Variants in AGPAT5 observed in about 807,000 individuals in gnomAD.
AGPAT5 encodes 1-acylglycerol-3-phosphate O-acyltransferase 5.
A neutral mutation model predicts 45.6 loss-of-function variants in AGPAT5; 46 were observed. The ratio of observed to expected loss-of-function variants is 1.01; its 90% CI spans 0.80 to 1.29. The LOEUF (loss-of-function observed/expected upper bound fraction) is 1.29. Ranked by LOEUF, AGPAT5 falls within the 50% of genes most tolerant of loss-of-function variation. The pLI is 0.00. For synonymous variants in AGPAT5, 272 were observed against 167.0 expected (o/e 1.63, Z -4.85); for missense variants, 673 against 450.7 (o/e 1.49, Z -4.47).
At chr8:6,742,608 G>T (rs928891406) in intron 5 of AGPAT5, among the ~76,000 whole-genome samples, 4 of 152,200 alleles carry the variant, frequency 2.6e-5, no homozygotes, top group South Asian at 2.1e-4. Flanking sequence ...TGTCCAGTGT[G>T]CTGGCTCCTA....
chr8:6,757,051 T>C (rs1323259107), intron 7 of AGPAT5, 112 bp from the exon 8 acceptor site: 6 of 743,192 alleles, frequency 8.1e-6, no homozygotes, highest in Non-Finnish European at 1.3e-5. Flanking sequence ...TTCATCCTTA[T>C]TTTCCAGGGA....
intron 1 of AGPAT5, among the ~76,000 whole-genome samples, chr8:6,724,355 C>G (rs144326223): frequency 1.3e-5 from 2 of 152,216 alleles, no homozygotes; most frequent in Non-Finnish European, 2.9e-5. Flanking sequence ...TCTCATCTGC[C>G]AGAATCCTAC....
chr8:6,722,843 T>C (rs1800552459), intron 1 of AGPAT5, among the ~76,000 whole-genome samples: 1 of 152,118 alleles, frequency 6.6e-6, no homozygotes, highest in Admixed American at 6.5e-5. Flanking sequence ...TTTTTTTCTG[T>C]AGGGGATGTC....
At chr8:6,746,350 A>AT (rs1230140773) in intron 5 of AGPAT5, 4 of 152,138 alleles carry the variant, frequency 2.6e-5, no homozygotes, top group Admixed American at 1.3e-4. Flanking sequence ...TCACAAAGCT[A>AT]TTTTTTTAAA....
intron 2 of AGPAT5, among the ~76,000 whole-genome samples, chr8:6,728,836 T>C (rs1800773457): frequency 6.6e-6 from 1 of 152,188 alleles, no homozygotes; most frequent in Non-Finnish European, 1.5e-5. Context: ...GAAAGAAATA[T>C]GTTTATCAGT....
Position 6,757,359 on chromosome 8 carries a change from G to C in AGPAT5, c.1066G>C (p.Gly356Arg). 1.2e-6 allele frequency: 2 copies of C among 1,614,172 alleles called. No individual in the cohort carries two copies. Among genetic ancestry groups the C allele is most frequent in the Non-Finnish European group, 1.7e-6 (2 of 1,180,026 alleles). Residue 356 changes from glycine (G) to arginine (R), a missense_variant, in exon 8 of 8, where the codon GGC (glycine) becomes CGC (arginine). Transcript: ENST00000285518. ...VNTWIYGTLL[G>R]CLWVTIKA ...CACCTGGATATATGGAACCCTACTT[G>C]GCTGCCTGTGGGTTACTATTAAAGC...
At chr8:6,721,354 G>T (rs554889677) in intron 1 of AGPAT5, among the ~76,000 whole-genome samples, 60 of 152,290 alleles carry the variant, frequency 3.9e-4, no homozygotes, top group African/African-American at 1.4e-3. Context: ...ATCAAAGACT[G>T]GGGAGAGATA....
In AGPAT5 at chr8:6,741,759, A is replaced by G; in HGVS notation, c.586+8A>G. The G allele has an allele frequency of 5.0e-6, 8 of 1,594,404 alleles. No individual in the cohort carries two copies. The highest frequency in any genetic ancestry group is 6.9e-6 in the Non-Finnish European group (8 of 1,167,236). On this transcript the variant is annotated splice_region_variant and intron_variant, in intron 5 of 7. Transcript: ENST00000285518. Reference sequence around the variant, plus strand: ...CATTTGCTGCCCAACGTGGTAAGTAAAAATTTGAGTGTTTGAACAAATAAT... The same window carrying G: ...CATTTGCTGCCCAACGTGGTAAGTAGAAATTTGAGTGTTTGAACAAATAAT...
rs375237027 is a variant in AGPAT5 at position 6,708,657 on chromosome 8, C to A, written c.-12C>A. 1.0e-5 allele frequency: 16 copies of A among 1,532,496 alleles called. No homozygotes were observed. Among genetic ancestry groups the A allele is most frequent in the Non-Finnish European group, 1.3e-5 (15 of 1,145,396 alleles). 94.9% of individuals were successfully genotyped at this position (1,532,496 alleles called of 1,614,324 possible). A position where few individuals can be genotyped will look rare whatever the true frequency, so the allele number is the denominator to read the frequency against. On this transcript the variant is annotated 5_prime_UTR_variant, in exon 1 of 8. Coordinates refer to ENST00000285518, the MANE Select transcript of AGPAT5 (RefSeq NM_018361.5). ...GAGCGCAGGCGGAGCTCGCTGCCGC[C>A]GAGCTGAGAAGATGCTGCTGTCCCT...
In AGPAT5 at chr8:6,721,914, A is replaced by G. The variant is rs531291022; in HGVS notation, c.220-2956A>G. 1.5e-4 allele frequency among the ~76,000 whole-genome samples: 23 copies of G among 152,168 alleles called. No homozygotes were observed. In the South Asian group the frequency reaches 3.7e-3, roughly 25 times the overall value. ...TGCTGTGTTGCCAGGGCTGGACTCA[A>G]ACTCCTGAAGCCAAGCGATTCTTCT... On this transcript the variant is annotated intron_variant, in intron 1 of 7. Transcript: ENST00000285518.
chr8:6,741,494 G>T (rs1363241242), intron 4 of AGPAT5, among the ~76,000 whole-genome samples, 167 bp from the exon 5 acceptor site: 1 of 152,074 alleles, frequency 6.6e-6, no homozygotes, highest in East Asian at 1.9e-4. Context: ...TTTAATTGTT[G>T]CATTTTGTTT....
chr8:6,733,068 C>CA (rs1419423669), intron 4 of AGPAT5, among the ~76,000 whole-genome samples: 9 of 151,620 alleles, frequency 5.9e-5, no homozygotes, highest in African/African-American at 2.2e-4. Flanking sequence ...ACAGAAAAAC[C>CA]AAAAAAGGAT....
intron 1 of AGPAT5, among the ~76,000 whole-genome samples, chr8:6,713,235 G>C (rs997227671): frequency 6.6e-6 from 1 of 152,202 alleles, no homozygotes; most frequent in African/African-American, 2.4e-5. Context: ...CTCCCAAAGT[G>C]CTGGGATTAC....
chr8:6,725,122 G>A (rs1800641965), intron 2 of AGPAT5, among the ~76,000 whole-genome samples, 183 bp downstream of exon 2: 1 of 152,134 alleles, frequency 6.6e-6, no homozygotes, highest in Non-Finnish European at 1.5e-5. Context: ...TGAAAGCTAT[G>A]AATTTTCCTA....
intron 5 of AGPAT5, among the ~76,000 whole-genome samples, chr8:6,747,086 G>T (rs1265522830): frequency 6.6e-6 from 1 of 152,186 alleles, no homozygotes; most frequent in Non-Finnish European, 1.5e-5. Context: ...GTTCATAGCA[G>T]CATTATTCAT....
chr8:6,746,177 G>GC (rs779403044), intron 5 of AGPAT5: 2 of 152,034 alleles, frequency 1.3e-5, no homozygotes, highest in Non-Finnish European at 2.9e-5. Context: ...ACGTGCCACC[G>GC]CGCCCGGCTC....
At chr8:6,712,167 A>G (rs1473639815) in intron 1 of AGPAT5, among the ~76,000 whole-genome samples, 2 of 152,176 alleles carry the variant, frequency 1.3e-5, no homozygotes, top group African/African-American at 4.8e-5. Context: ...TTAACAGAGA[A>G]CCTGGTTTTC....
At position 6,711,860 on chromosome 8, in the gene AGPAT5, C is replaced by T. The variant is rs771252980; in HGVS notation, c.219+2973C>T. On this transcript the variant is annotated intron_variant, in intron 1 of 7. Transcript: ENST00000285518. The stretch of plus-strand genomic sequence containing the variant: ...TCTTCTGTCTCACATCTCACTCTCC[C>T]TTTCTCTTAGAAGGATGCTTGTCAT... Among the ~76,000 whole-genome samples, 152 of 152,196 alleles carry T rather than the reference C, an allele frequency of 1.0e-3. 2 individuals carry two copies. The highest frequency in any genetic ancestry group is 3.3e-4 in the Admixed American group (5 of 15,280).
intron 4 of AGPAT5, chr8:6,738,617 C>T (rs996044999): frequency 4.6e-5 from 7 of 152,028 alleles, no homozygotes; most frequent in African/African-American, 9.7e-5. Context: ...CATAAACCTT[C>T]AATGGGAAAA....
Sources: gnomAD v4.1 joint callset for allele counts (sites outside exome capture counted in the v4.1 genomes callset) on GRCh38, gnomAD v4.1.1 for gene constraint, MANE v1.5 for transcripts, NCBI Gene and HGNC (gene_info 2026-07-23, HGNC 2026-07-21) for gene names.